Variants in PSMD9 observed in about 807,000 individuals in gnomAD.
The protein encoded by PSMD9 is proteasome 26S subunit, non-ATPase 9.
PSMD9 carries 26 observed loss-of-function variants against 25.9 expected under a neutral mutation model. The observed-to-expected ratio is 1.00, with a 90% CI of 0.73 to 1.39. The LOEUF is 1.39. Among genes scored for constraint, PSMD9 ranks in the 40% most tolerant of loss-of-function variants. The pLI is 0.00. For synonymous variants in PSMD9, 110 were observed against 114.5 expected, an observed-to-expected ratio of 0.96 and a Z score of 0.25; for missense variants, 303 against 299.3, an observed-to-expected ratio of 1.01 and a Z score of -0.09.
At chr12:121,908,575 G>A (rs997680029) in intron 4 of PSMD9, among the ~76,000 whole-genome samples, 5 of 152,130 alleles carry the variant, frequency 3.3e-5, no homozygotes, top group Non-Finnish European at 4.4e-5. Flanking sequence ...GGGCTGTAAC[G>A]GGGAACGAAA....
chr12:121,909,362 G>A (rs909378615), intron 4 of PSMD9, among the ~76,000 whole-genome samples: 7 of 151,266 alleles, frequency 4.6e-5, no homozygotes, highest in Admixed American at 1.3e-4. Context: ...TGCCCAGGCT[G>A]GAGTGCAGTG....
intron 4 of PSMD9, among the ~76,000 whole-genome samples, chr12:121,909,457 G>A (rs933014988): frequency 5.3e-5 from 8 of 151,890 alleles, no homozygotes; most frequent in Non-Finnish European, 1.0e-4. Flanking sequence ...GGGACTACAG[G>A]TGTGCACCAC....
intron 1 of PSMD9, among the ~76,000 whole-genome samples, chr12:121,890,250 C>G (rs966013981): frequency 9.9e-5 from 15 of 152,068 alleles, no homozygotes; most frequent in Non-Finnish European, 5.9e-5. Flanking sequence ...GGCCAGAGAA[C>G]CATTTTACTG....
At chr12:121,899,480 G>A (rs1352420564) in intron 2 of PSMD9, 154 bp from the exon 3 acceptor site, 28 of 669,910 alleles carry the variant, frequency 4.2e-5, no homozygotes, top group Non-Finnish European at 5.6e-5. Flanking sequence ...TGCTCCATGA[G>A]GGAATGTCCT....
In PSMD9 at chr12:121,915,961, T is replaced by C. The variant is rs756609595; in HGVS notation, c.644+17T>C. On this transcript the variant is annotated intron_variant, in intron 5 of 5. Transcript: ENST00000541212. ...ACTGCTGGGGTAAAGTATCTGTTTC[T>C]GTTCATTCTCACTGGGGCATCATTT... The C allele has an allele frequency of 1.2e-6, 2 of 1,607,750 alleles. No individual in the cohort carries two copies. Among genetic ancestry groups the C allele is most frequent in the East Asian group, 4.5e-5 (2 of 44,860 alleles).
At chr12:121,916,231 C>G in intron 5 of PSMD9, 53 bp from the exon 6 acceptor site, 1 of 1,606,874 alleles carries the variant, frequency 6.2e-7, no homozygotes, top group Non-Finnish European at 8.5e-7. Flanking sequence ...AGCCTCTGAC[C>G]TTCCTGAAGG....
chr12:121,913,363 G>A (rs901316821), intron 4 of PSMD9, among the ~76,000 whole-genome samples: 1 of 152,168 alleles, frequency 6.6e-6, no homozygotes, highest in African/African-American at 2.4e-5. Flanking sequence ...ACAGGCGTGA[G>A]CCACCACACC....
intron 1 of PSMD9, chr12:121,894,529 T>G (rs1328401235): frequency 1.9e-6 from 1 of 535,756 alleles, no homozygotes; most frequent in Admixed American, 3.2e-5. Flanking sequence ...ATGCATTACT[T>G]GCGTCGTTAA....
At chr12:121,906,794 G>T (rs1371991290) in intron 4 of PSMD9, among the ~76,000 whole-genome samples, 1 of 148,660 alleles carries the variant, frequency 6.7e-6, no homozygotes, top group Non-Finnish European at 1.5e-5. Flanking sequence ...AGCCTGGGCC[G>T]CACAGCGAGA....
At chr12:121,893,254 C>T (rs1027584896) in intron 1 of PSMD9, among the ~76,000 whole-genome samples, 2 of 152,186 alleles carry the variant, frequency 1.3e-5, no homozygotes, top group Non-Finnish European at 2.9e-5. Flanking sequence ...TGCAGTGTCA[C>T]GGCGAGTCCT....
In PSMD9 at chr12:121,888,974, A is replaced by C. The variant is rs1367929146; in HGVS notation, c.118A>C (p.Asn40His). 1 of 1,589,010 alleles carries C rather than the reference A, an allele frequency of 6.3e-7. No individual in the cohort carries two copies. Among genetic ancestry groups the C allele is most frequent in the Admixed American group, 1.8e-5 (1 of 54,552 alleles). Reference sequence around the variant, plus strand: ...GGAGATAGAAGCGCAGATCAAGGCCAACTATGACGTGCTGGAAAGCGTGAG... The same window carrying C: ...GGAGATAGAAGCGCAGATCAAGGCCCACTATGACGTGCTGGAAAGCGTGAG... ...KEEIEAQIKA[N>H]YDVLESQKGI... The change falls in exon 1 of 6, where the codon AAC becomes CAC. Residue 40 changes from asparagine (N) to histidine (H), a missense_variant. Physicochemically the swap from Asn to His is moderately conservative, Grantham distance 68. Coordinates refer to ENST00000541212, the MANE Select transcript of PSMD9 (RefSeq NM_002813.7).
intron 1 of PSMD9, chr12:121,894,184 T>C (rs1879167113): frequency 6.5e-6 from 1 of 152,942 alleles, no homozygotes; most frequent in Admixed American, 6.5e-5. Flanking sequence ...TACATTCCCA[T>C]AGGCAAAATT....
chr12:121,914,868 A>G (rs943123590), intron 4 of PSMD9: 4 of 152,106 alleles, frequency 2.6e-5, no homozygotes, highest in African/African-American at 9.7e-5. Flanking sequence ...AAATAAAGCA[A>G]TACATACGCA....
chr12:121,894,119 G>C (rs1879164607), intron 1 of PSMD9: 1 of 150,616 alleles, frequency 6.6e-6, no homozygotes, highest in Non-Finnish European at 1.5e-5. Flanking sequence ...CTGCTTTTGT[G>C]TACTCTCCTC....
intron 4 of PSMD9, among the ~76,000 whole-genome samples, chr12:121,907,091 C>T (rs575044958): frequency 4.0e-5 from 6 of 151,334 alleles, no homozygotes; most frequent in South Asian, 2.1e-4. Context: ...TTTTTTGAGA[C>T]GAAGTTTTTC....
intron 1 of PSMD9, among the ~76,000 whole-genome samples, chr12:121,892,482 C>T (rs866192453): frequency 3.9e-5 from 6 of 152,174 alleles, no homozygotes; most frequent in African/African-American, 7.2e-5. Flanking sequence ...TGGCAGATCA[C>T]GAGGTCAGGA....
intron 4 of PSMD9, among the ~76,000 whole-genome samples, chr12:121,913,394 A>G (rs1879796482): frequency 6.6e-6 from 1 of 151,802 alleles, no homozygotes; most frequent in Non-Finnish European, 1.5e-5. Flanking sequence ...CTCATATTCT[A>G]ATCAGATTTT....
intron 3 of PSMD9, 139 bp from the exon 4 acceptor site, chr12:121,902,867 C>G (rs1879440466): frequency 1.5e-6 from 1 of 672,810 alleles, no homozygotes; most frequent in Non-Finnish European, 2.7e-6. Context: ...GTGTCTACAT[C>G]CCTGACCTCT....
chr12:121,894,298 C>G (rs1387244438), intron 1 of PSMD9: 1 of 165,982 alleles, frequency 6.0e-6, no homozygotes, highest in African/African-American at 2.4e-5. Context: ...CAGTTTCCTT[C>G]TTCAGATCTT....
Sources: allele counts gnomAD v4.1 joint callset (sites outside exome capture counted in the v4.1 genomes callset), GRCh38; gene constraint gnomAD v4.1.1; transcripts MANE v1.5; gene names NCBI Gene and HGNC (gene_info 2026-07-23, HGNC 2026-07-21).